ZBTB34: variants seen among roughly 807,000 people sequenced by gnomAD.
The protein encoded by ZBTB34 is zinc finger and BTB domain-containing protein 34.
A neutral mutation model predicts 33.4 loss-of-function variants in ZBTB34; 1 was observed. The ratio of observed to expected loss-of-function variants is 0.03; its 90% CI spans 0.01 to 0.14. The LOEUF (loss-of-function observed/expected upper bound fraction) is 0.14, where lower values mean the gene tolerates loss of function less well. Among genes scored for constraint, ZBTB34 ranks in the 10% least tolerant of loss-of-function variants. The probability of loss-of-function intolerance (pLI) is 1.00; values close to 1 mark genes in which losing one functional copy is unlikely to be tolerated. For synonymous variants in ZBTB34, 283 were observed against 253.5 expected (o/e 1.12, Z -1.11); for missense variants, 406 against 657.2 (o/e 0.62, Z 4.18).
intron 1 of ZBTB34, among the ~76,000 whole-genome samples, chr9:126,876,446 G>A (rs1265396246): frequency 6.6e-6 from 1 of 151,324 alleles, no homozygotes; most frequent in African/African-American, 2.4e-5. Context: ...GTTTTCTCCT[G>A]TACTTACTGA....
intron 1 of ZBTB34, among the ~76,000 whole-genome samples, chr9:126,867,838 T>G (rs935656246): frequency 1.3e-5 from 2 of 151,692 alleles, no homozygotes; most frequent in African/African-American, 4.8e-5. Flanking sequence ...TGGAAAGTAA[T>G]AAGATCCTCC....
At chr9:126,867,298 T>C (rs546545740) in intron 1 of ZBTB34, among the ~76,000 whole-genome samples, 1 of 152,236 alleles carries the variant, frequency 6.6e-6, no homozygotes, top group South Asian at 2.1e-4. Flanking sequence ...AAATTATTCA[T>C]TCCTGAGGAC....
At chr9:126,878,105 G>A (rs1194609101) in intron 1 of ZBTB34, among the ~76,000 whole-genome samples, 1 of 151,708 alleles carries the variant, frequency 6.6e-6, no homozygotes, top group African/African-American at 2.4e-5. Flanking sequence ...GGAAGCTGAG[G>A]TGGGAGGATC....
At chr9:126,862,671 G>A (rs1227966875) in intron 1 of ZBTB34, among the ~76,000 whole-genome samples, 1 of 152,130 alleles carries the variant, frequency 6.6e-6, no homozygotes, top group Non-Finnish European at 1.5e-5. Context: ...ACTTCCTCCA[G>A]AGGGTGTTCC....
chr9:126,869,232 T>C (rs976525629), intron 1 of ZBTB34, among the ~76,000 whole-genome samples: 3 of 130,336 alleles, frequency 2.3e-5, no homozygotes, highest in Non-Finnish European at 3.2e-5. Flanking sequence ...CTTGACACTG[T>C]CCTAGGGCAG....
At chr9:126,861,560 T>A (rs928881508) in intron 1 of ZBTB34, among the ~76,000 whole-genome samples, 5 of 152,246 alleles carry the variant, frequency 3.3e-5, no homozygotes, top group African/African-American at 1.2e-4. Context: ...TTCAAGATAC[T>A]GGGCAGTTTC....
At position 126,880,954 on chromosome 9, in the gene ZBTB34, A is replaced by T. The variant is rs765012557; in HGVS notation, c.*40A>T. 5 of 1,548,260 alleles carry T rather than the reference A, an allele frequency of 3.2e-6. No homozygotes were observed. In the East Asian group the frequency reaches 1.1e-4, roughly 35 times the overall value. On this transcript the variant is annotated 3_prime_UTR_variant, in exon 2 of 2. Coordinates refer to ENST00000319119, the Ensembl canonical transcript of ZBTB34. The surrounding 1 kb of genome is among the most constrained non-coding windows in gnomAD (Gnocchi z 6.7). ...GCACCCAAACAAAGCACATTAATCA[A>T]TGCATATTTGTGATTTGCTTTGTTG...
At chr9:126,878,735 T>G (rs1023751434) in intron 1 of ZBTB34, among the ~76,000 whole-genome samples, 9 of 151,466 alleles carry the variant, frequency 5.9e-5, no homozygotes, top group Admixed American at 3.3e-4. Flanking sequence ...TGTTTTTTTT[T>G]TTTTTTTAGA....
chr9:126,871,180 G>GA (rs2033272664), intron 1 of ZBTB34, among the ~76,000 whole-genome samples: 1 of 69,076 alleles, frequency 1.4e-5, no homozygotes, highest in Admixed American at 1.6e-4. Flanking sequence ...GTAAGTGAGG[G>GA]GGGTGTGTGT....
intron 1 of ZBTB34, among the ~76,000 whole-genome samples, chr9:126,867,765 GT>G (rs767842030): frequency 0.015 from 1,915 of 131,058 alleles, 31 homozygotes; most frequent in African/African-American, 0.046. Flanking sequence ...TCATTTTTTT[GT>G]TTTTTTTTTT....
At chr9:126,875,347 G>A (rs1477983853) in intron 1 of ZBTB34, among the ~76,000 whole-genome samples, 1 of 152,122 alleles carries the variant, frequency 6.6e-6, no homozygotes, top group African/African-American at 2.4e-5. Context: ...GGACCACAAT[G>A]TTCTAGATGA....
Position 126,881,036 on chromosome 9 carries a change from A to G in ZBTB34, c.*122A>G, listed in dbSNP as rs933115769. The G allele has an allele frequency of 2.3e-5, 27 of 1,160,520 alleles. No individual in the cohort carries two copies. The Admixed American group carries it at 6.5e-4, about 28-fold the overall frequency. 71.9% of individuals were successfully genotyped at this position (1,160,520 alleles called of 1,614,324 possible). ...CTCTTGGTCTCTTGGCAGTTTTTCT[A>G]AAGTTTCTGGATGGAACACTTCGTT... On this transcript the variant is annotated 3_prime_UTR_variant, in exon 2 of 2. Transcript: ENST00000319119.
At chr9:126,883,262 G>A (rs2033469401) in exon 2 of ZBTB34, 1 of 166,782 alleles carries the variant, frequency 6.0e-6, no homozygotes, top group Admixed American at 6.6e-5. Context: ...GACAAGAAAT[G>A]CCCAAATCCA....
intron 1 of ZBTB34, among the ~76,000 whole-genome samples, chr9:126,864,352 ACCGTTAGT>A (rs1457942528): frequency 6.6e-6 from 1 of 152,100 alleles, no homozygotes; most frequent in Non-Finnish European, 1.5e-5. Flanking sequence ...GAGCCTACTG[ACCGTTAGT>A]CCTTGTCATT....
chr9:126,881,152 C>T (rs2033435157), exon 2 of ZBTB34: 1 of 500,144 alleles, frequency 2.0e-6, no homozygotes, highest in Non-Finnish European at 3.7e-6. Context: ...GACAGTATTC[C>T]TCTTTGGCTG....
chr9:126,872,765 TAGC>T, intron 1 of ZBTB34, among the ~76,000 whole-genome samples: 1 of 152,172 alleles, frequency 6.6e-6, no homozygotes, highest in African/African-American at 2.4e-5. Context: ...TGTGGCTTGT[TAGC>T]AGCTCTAGGG....
chr9:126,879,336 C>A lies in ZBTB34; in HGVS notation c.-10-54C>A. The A allele has an allele frequency of 6.9e-7, 1 of 1,454,064 alleles. No homozygotes were observed. Among genetic ancestry groups the A allele is most frequent in the Non-Finnish European group, 9.4e-7 (1 of 1,065,930 alleles). The allele number at this position is 1,454,064 out of a possible 1,614,324, so 90.1% of individuals were successfully genotyped here. A position where few individuals can be genotyped will look rare whatever the true frequency, so the allele number is the denominator to read the frequency against. ...TTGTTGTAAGCTTGTGTTTATGCCA[C>A]TTGTACTTAGTGAGGAGTCATTGGT... On this transcript the variant is annotated intron_variant, in intron 1 of 1. Coordinates refer to ENST00000319119, the Ensembl canonical transcript of ZBTB34. This position sits in a 1 kb window ranked among gnomAD's most constrained non-coding sequence, Gnocchi z 6.4.
At chr9:126,884,046 G>C (rs926785440) in exon 2 of ZBTB34, 1 of 167,030 alleles carries the variant, frequency 6.0e-6, no homozygotes, top group East Asian at 1.9e-4. Context: ...TTTAGGTTAG[G>C]TGTTTCATTT....
chr9:126,871,183 GT>G (rs1824400341), intron 1 of ZBTB34, among the ~76,000 whole-genome samples: 1 of 123,322 alleles, frequency 8.1e-6, no homozygotes, highest in Non-Finnish European at 1.8e-5. Context: ...AGTGAGGGGG[GT>G]GTGTGTGTGT....
Sources: gnomAD v4.1 joint callset for allele counts (sites outside exome capture counted in the v4.1 genomes callset) on GRCh38, gnomAD v4.1.1 for gene constraint, Gnocchi (gnomAD v3.1) non-coding constraint, MANE v1.5 for transcripts, NCBI Gene and HGNC (gene_info 2026-07-23, HGNC 2026-07-21) for gene names.